MPV17L: variants seen among roughly 807,000 people sequenced by gnomAD.
MPV17L encodes the protein MPV17 mitochondrial inner membrane protein like, also known as mpv17-like protein.
Under a neutral mutation model 25.8 loss-of-function variants are expected in MPV17L, and 24 were observed. The ratio of observed to expected loss-of-function variants is 0.93; its 90% CI spans 0.67 to 1.31. The LOEUF (loss-of-function observed/expected upper bound fraction) is 1.31, where lower values mean the gene tolerates loss of function less well. MPV17L is among the 50% of genes most tolerant of loss of function. MPV17L has a pLI of 0.00. For synonymous variants in MPV17L, 102 were observed against 115.3 expected (o/e 0.88, Z 0.74); for missense variants, 250 against 265.6 (o/e 0.94, Z 0.41).
At chr16:15,397,138 C>T (rs570564147) in intron 1 of MPV17L, among the ~76,000 whole-genome samples, 1 of 152,036 alleles carries the variant, frequency 6.6e-6, no homozygotes, top group Non-Finnish European at 1.5e-5. Flanking sequence ...TAGTGTGTCC[C>T]CCAGAGAAAG....
chr16:15,399,908 G>A lies in MPV17L; in HGVS notation c.311-879G>A, dbSNP rs2050618858. 3.3e-5 allele frequency among the ~76,000 whole-genome samples: 5 copies of A among 152,202 alleles called. 1 individual carries two copies. In the South Asian group the frequency reaches 1.0e-3, roughly 32 times the overall value. On this transcript the variant is annotated intron_variant, in intron 1 of 3. Transcript: ENST00000396385. ...CAACCTCCACTTCCTGGGTTCAAGC[G>A]ATCCTTCTGCCTCAGCCTCTCAAGA...
rs1175280570 is a variant in MPV17L, at chr16:15,409,337, C to G, written c.*1225C>G. ...CTGAGCTCAAGCTAAGCCATCATATCCCAGTGACCTGCACATATACATCCA... is the reference window on the plus strand; with the variant it reads ...CTGAGCTCAAGCTAAGCCATCATATGCCAGTGACCTGCACATATACATCCA... On this transcript the variant is annotated 3_prime_UTR_variant, in exon 4 of 4. Transcript: ENST00000396385. 6.6e-6 allele frequency: 1 copy of G among 152,642 alleles called. No individual in the cohort carries two copies. The highest frequency in any genetic ancestry group is 1.9e-4 in the South Asian group (1 of 5,230). The allele number at this position is 152,642 out of a possible 1,614,324, so 9.5% of individuals were successfully genotyped here.
rs2050718399 is a variant in MPV17L at position 15,409,874 on chromosome 16, A to C, written c.*1762A>C. ...TGTATGATTGGCGTATTCTGTGTAG[A>C]ATGTATTTTATTGATGTCTTCTATT... On this transcript the variant is annotated 3_prime_UTR_variant, in exon 4 of 4. Transcript: ENST00000396385. 6.6e-6 allele frequency: 1 copy of C among 152,166 alleles called. No individual in the cohort carries two copies. Among genetic ancestry groups the C allele is most frequent in the Non-Finnish European group, 1.5e-5 (1 of 68,040 alleles). 9.4% of individuals were successfully genotyped at this position (152,166 alleles called of 1,614,324 possible).
chr16:15,401,775 C>T (rs1228897377), intron 2 of MPV17L, among the ~76,000 whole-genome samples: 4 of 152,026 alleles, frequency 2.6e-5, no homozygotes, highest in African/African-American at 7.2e-5. Context: ...CGAGATCGCA[C>T]CACTGCACTC....
chr16:15,406,195 T>A (rs554006360), intron 2 of MPV17L, among the ~76,000 whole-genome samples: 43 of 151,508 alleles, frequency 2.8e-4, no homozygotes, highest in East Asian at 5.8e-4. Flanking sequence ...TCTCAAAAAA[T>A]ATATATATAT....
intron 2 of MPV17L, among the ~76,000 whole-genome samples, chr16:15,407,531 C>T (rs2050691663): frequency 6.6e-6 from 1 of 151,906 alleles, no homozygotes; most frequent in Middle Eastern, 3.4e-3. Context: ...CACCTGAGGT[C>T]GGGAGTTCGA....
intron 2 of MPV17L, among the ~76,000 whole-genome samples, chr16:15,401,073 TATATA>T (rs1567431146): frequency 1.2e-4 from 4 of 32,412 alleles, no homozygotes; most frequent in East Asian, 9.6e-4. Flanking sequence ...TATATATATA[TATATA>T]TATATATATT....
chr16:15,408,106 G>A lies in MPV17L; in HGVS notation c.585G>A (p.Lys195=), dbSNP rs547629126. Residue 195 remains lysine, a synonymous_variant, in exon 4 of 4, where the codon AAG becomes AAA. Transcript: ENST00000396385. ...CCAGTGCCACAGAAGGGTACCCGAA[G>A]AAATGAGAAGTCAAGGACTCTCTTA... The part of the protein sequence containing the change: ...KGTSATEGYP[K]K The A allele has an allele frequency of 1.8e-5, 28 of 1,592,096 alleles. No homozygotes were observed. The South Asian group carries it at 2.7e-4, about 15-fold the overall frequency.
At chr16:15,404,051 G>A (rs1301859068) in intron 2 of MPV17L, among the ~76,000 whole-genome samples, 4 of 152,122 alleles carry the variant, frequency 2.6e-5, no homozygotes. Context: ...ACTGCAGTAA[G>A]CTACGATTGT....
At chr16:15,405,860 C>T (rs373658657) in intron 2 of MPV17L, among the ~76,000 whole-genome samples, 5 of 150,906 alleles carry the variant, frequency 3.3e-5, no homozygotes, top group East Asian at 2.0e-4. Flanking sequence ...ACAACAAGAG[C>T]GAAACTCCGT....
In MPV17L at chr16:15,411,232, AAAAC is replaced by A. The variant is rs200026903; in HGVS notation, c.*3136_*3139del. 1.3e-3 allele frequency: 205 copies of A among 152,572 alleles called. 1 individual carries two copies. Among genetic ancestry groups the A allele is most frequent in the African/African-American group, 4.0e-3 (168 of 41,588 alleles). The allele number at this position is 152,572 out of a possible 1,614,324, so 9.5% of individuals were successfully genotyped here. ...AGGCGACAGAGCGAGAATCTGTCTC[AAAAC>A]AAACAAACAAACAAAAAACTGTACC... On this transcript the variant is annotated 3_prime_UTR_variant, in exon 4 of 4. Transcript: ENST00000396385.
rs141563784 is a variant in MPV17L at position 15,399,623 on chromosome 16, G to A, written c.311-1164G>A. On this transcript the variant is annotated intron_variant, in intron 1 of 3. Transcript: ENST00000396385. ...GGTCTTGATATATTGCCCAGGCTGT[G>A]AATTTCTCTTCAGGGATATTGAAGA... 1.2e-5 allele frequency: 3 copies of A among 244,256 alleles called. No homozygotes were observed. The East Asian group carries it at 4.3e-4, about 35-fold the overall frequency. 15.1% of individuals were successfully genotyped at this position (244,256 alleles called of 1,614,324 possible). A position where few individuals can be genotyped will look rare whatever the true frequency, so the allele number is the denominator to read the frequency against.
rs1428792903 is a variant in MPV17L at position 15,395,981 on chromosome 16, C to G, written c.84C>G (p.Val28=). The G allele has an allele frequency of 6.6e-7, 1 of 1,514,390 alleles. No individual in the cohort carries two copies. The highest frequency in any genetic ancestry group is 8.8e-7 in the Non-Finnish European group (1 of 1,138,950). The allele number at this position is 1,514,390 out of a possible 1,614,324, so 93.8% of individuals were successfully genotyped here. A position where few individuals can be genotyped will look rare whatever the true frequency, so the allele number is the denominator to read the frequency against. ...PTNVLLYGSL[V]SAGDALQQRL... Reference sequence around the variant, plus strand: ...ACGTGCTGCTTTACGGCTCGCTCGTCTCGGCCGGGGACGCGCTGCAACAGC... The same window carrying G: ...ACGTGCTGCTTTACGGCTCGCTCGTGTCGGCCGGGGACGCGCTGCAACAGC... Residue 28 remains valine (V), a synonymous_variant, in exon 1 of 4, where the codon GTC becomes GTG. Coordinates refer to ENST00000396385, the MANE Select transcript of MPV17L (RefSeq NM_001128423.2).
chr16:15,396,106 T>A lies in MPV17L; in HGVS notation c.209T>A (p.Leu70Gln), dbSNP rs1158067407. The A allele has an allele frequency of 6.5e-7, 1 of 1,545,578 alleles. No individual in the cohort carries two copies. Among genetic ancestry groups the A allele is most frequent in the East Asian group, 2.4e-5 (1 of 40,976 alleles). ...TTCAACTACGTGTGGCTGCGCCTGC[T>A]GGAGCGCGCGCTCCCGGGCCGAGCG... ...ANFNYVWLRLLERALPGRAPH... is the reference protein window; with the variant it reads ...ANFNYVWLRLQERALPGRAPH... Residue 70 changes from leucine (L) to glutamine (Q), a missense_variant, in exon 1 of 4, where the codon CTG becomes CAG. Leu to Gln is a moderately radical substitution (Grantham distance 113). Transcript: ENST00000396385.
intron 2 of MPV17L, among the ~76,000 whole-genome samples, chr16:15,403,048 T>C (rs575857391): frequency 2.6e-5 from 4 of 151,670 alleles, no homozygotes; most frequent in East Asian, 1.9e-4. Context: ...TATGGAGATA[T>C]GTACATCTAA....
At chr16:15,401,779 T>C (rs2050642005) in intron 2 of MPV17L, among the ~76,000 whole-genome samples, 1 of 151,968 alleles carries the variant, frequency 6.6e-6, no homozygotes, top group African/African-American at 2.4e-5. Flanking sequence ...ATCGCACCAC[T>C]GCACTCCAGC....
At chr16:15,397,554 G>A (rs1054740089) in intron 1 of MPV17L, among the ~76,000 whole-genome samples, 16 of 152,132 alleles carry the variant, frequency 1.1e-4, no homozygotes, top group African/African-American at 2.9e-4. Context: ...AGCCTTGAAG[G>A]GGATGGGGTG....
In MPV17L at chr16:15,412,625, G is replaced by A. The variant is rs1008902367; in HGVS notation, c.*4513G>A. On this transcript the variant is annotated 3_prime_UTR_variant, in exon 4 of 4. Coordinates refer to ENST00000396385, the MANE Select transcript of MPV17L (RefSeq NM_001128423.2). ...GAGTTTCGCTTTGTAGCCCAGGTTG[G>A]AGTGCAGTGTCGCGATCTCGCCTCA... is the stretch of plus-strand genomic sequence containing the variant. The A allele has an allele frequency of 1.3e-5, 2 of 150,534 alleles. No individual in the cohort carries two copies. The highest frequency in any genetic ancestry group is 3.0e-5 in the Non-Finnish European group (2 of 67,760). The allele number at this position is 150,534 out of a possible 1,614,324, so 9.3% of individuals were successfully genotyped here.
intron 2 of MPV17L, among the ~76,000 whole-genome samples, chr16:15,405,411 GA>G (rs2050671970): frequency 2.0e-5 from 3 of 149,738 alleles, no homozygotes; most frequent in African/African-American, 7.3e-5. Flanking sequence ...GCCATGTTTG[GA>G]TAAGTTTAGT....
Sources: allele counts gnomAD v4.1 joint callset (sites outside exome capture counted in the v4.1 genomes callset), GRCh38; gene constraint gnomAD v4.1.1; transcripts MANE v1.5; gene names NCBI Gene and HGNC (gene_info 2026-07-23, HGNC 2026-07-21).